SLC35D4: variants seen among roughly 807,000 people sequenced by gnomAD.
SLC35D4 encodes the protein UDP-N-acetylglucosamine transporter SLC35D4.
At chr18:23,403,632 C>T in the SLC35D4 span, among the ~76,000 whole-genome samples, 1 of 152,208 alleles carries the variant, frequency 6.6e-6, no homozygotes, top group African/African-American at 2.4e-5. Context: ...ACGGAGAACA[C>T]GTTGGAACAG....
chr18:23,395,570 A>G, the SLC35D4 span, among the ~76,000 whole-genome samples: 2 of 152,218 alleles, frequency 1.3e-5, no homozygotes, highest in East Asian at 1.9e-4. Flanking sequence ...GCCTCCCCCA[A>G]GCAAGAAAAC....
the SLC35D4 span, among the ~76,000 whole-genome samples, chr18:23,312,053 T>A: frequency 6.6e-6 from 1 of 152,254 alleles, no homozygotes; most frequent in African/African-American, 2.4e-5. Flanking sequence ...CATTTCTATG[T>A]CCTCACCATT....
the SLC35D4 span, among the ~76,000 whole-genome samples, chr18:23,372,986 A>G: frequency 6.6e-6 from 1 of 152,146 alleles, no homozygotes; most frequent in Admixed American, 6.5e-5. Context: ...CCTCATAAAG[A>G]AAACTCAACT....
At chr18:23,435,867 T>G in the SLC35D4 span, among the ~76,000 whole-genome samples, 1 of 152,030 alleles carries the variant, frequency 6.6e-6, no homozygotes, top group Non-Finnish European at 1.5e-5. Flanking sequence ...GGCTAATTTT[T>G]GTGTTTTTAG....
the SLC35D4 span, among the ~76,000 whole-genome samples, chr18:23,402,181 T>C: frequency 6.6e-6 from 1 of 152,150 alleles, no homozygotes; most frequent in African/African-American, 2.4e-5. Context: ...CCTAAGACCA[T>C]AGCCGCTGCT....
chr18:23,308,368 C>A, the SLC35D4 span, among the ~76,000 whole-genome samples: 155 of 152,266 alleles, frequency 1.0e-3, no homozygotes, highest in African/African-American at 3.7e-3. Flanking sequence ...CAACAGGCAC[C>A]TCAGCCTTCA....
the SLC35D4 span, chr18:23,371,359 T>C: frequency 5.1e-5 from 69 of 1,355,224 alleles, no homozygotes; most frequent in African/African-American, 7.4e-4. Flanking sequence ...CCTCCCAAAG[T>C]GCTGGGATTC....
At chr18:23,391,890 C>T in the SLC35D4 span, among the ~76,000 whole-genome samples, 10 of 152,026 alleles carry the variant, frequency 6.6e-5, no homozygotes, top group Admixed American at 3.3e-4. Flanking sequence ...TGTGCTAAAT[C>T]TCTCTGTGAC....
the SLC35D4 span, among the ~76,000 whole-genome samples, chr18:23,307,538 C>T: frequency 3.1e-3 from 476 of 152,350 alleles, no homozygotes; most frequent in Non-Finnish European, 5.3e-3. Context: ...GTGGTCATAG[C>T]CAACTGGCCC....
At chr18:23,279,976 A>ATT in the SLC35D4 span, among the ~76,000 whole-genome samples, 1,513 of 152,272 alleles carry the variant, frequency 9.9e-3, 27 homozygotes, top group African/African-American at 0.035. Flanking sequence ...AAGTGCTGGG[A>ATT]TTACAGGTGT....
chr18:23,322,973 T>C, the SLC35D4 span, among the ~76,000 whole-genome samples: 77 of 152,348 alleles, frequency 5.1e-4, no homozygotes, highest in African/African-American at 1.9e-3. Context: ...TTTAGAATGA[T>C]AGATTTGTGC....
the SLC35D4 span, among the ~76,000 whole-genome samples, chr18:23,350,721 T>C: frequency 5.3e-5 from 8 of 152,018 alleles, no homozygotes; most frequent in East Asian, 1.5e-3. Context: ...CACCACCGAG[T>C]TGGCCTATTT....
chr18:23,356,227 T>G, the SLC35D4 span, among the ~76,000 whole-genome samples: 1 of 152,242 alleles, frequency 6.6e-6, no homozygotes, highest in African/African-American at 2.4e-5. The surrounding 1 kb of genome is among the most constrained non-coding windows in gnomAD (Gnocchi z 4.1). Flanking sequence ...GGTGGGATTC[T>G]GAACCCAAAT....
the SLC35D4 span, among the ~76,000 whole-genome samples, chr18:23,287,321 C>T: frequency 6.6e-6 from 1 of 152,154 alleles, no homozygotes; most frequent in Admixed American, 6.5e-5. Context: ...CTTTACTATT[C>T]CTTTGCACCC....
chr18:23,271,829 A>G, the SLC35D4 span, among the ~76,000 whole-genome samples: 2 of 152,260 alleles, frequency 1.3e-5, no homozygotes, highest in African/African-American at 4.8e-5. Flanking sequence ...TAAAAACCCA[A>G]AAGGATTGGG....
the SLC35D4 span, among the ~76,000 whole-genome samples, chr18:23,302,026 T>C: frequency 6.6e-5 from 10 of 152,254 alleles, no homozygotes; most frequent in Non-Finnish European, 1.5e-4. Flanking sequence ...TACAATATTT[T>C]GAAGGCTGGC....
At chr18:23,408,101 C>T in the SLC35D4 span, among the ~76,000 whole-genome samples, 1 of 151,634 alleles carries the variant, frequency 6.6e-6, no homozygotes, top group Non-Finnish European at 1.5e-5. Flanking sequence ...ATCTGTGAGT[C>T]CTTCTTACCC....
chr18:23,435,180 A>AAAAG, the SLC35D4 span, among the ~76,000 whole-genome samples: 1 of 151,996 alleles, frequency 6.6e-6, no homozygotes, highest in Non-Finnish European at 1.5e-5. Context: ...ATTAGAAAAG[A>AAAAG]AAAGAAAGAA....
At chr18:23,286,931 C>T in the SLC35D4 span, among the ~76,000 whole-genome samples, 2 of 151,576 alleles carry the variant, frequency 1.3e-5, no homozygotes, top group Non-Finnish European at 2.9e-5. Context: ...CTCTTGTATC[C>T]CCCCACCTTA....
Sources: gnomAD v4.1 joint callset for allele counts (sites outside exome capture counted in the v4.1 genomes callset) on GRCh38, gnomAD v4.1.1 for gene constraint, Gnocchi (gnomAD v3.1) non-coding constraint, MANE v1.5 for transcripts, NCBI Gene and HGNC (gene_info 2026-07-23, HGNC 2026-07-21) for gene names.